Variants in NCMAP observed in about 807,000 individuals in gnomAD.
NCMAP encodes the protein noncompact myelin-associated protein.
In NCMAP, 8 loss-of-function variants were observed where a neutral mutation model predicts 7.8. The observed-to-expected ratio is 1.02, with a 90% CI of 0.60 to 1.84. The LOEUF is 1.84. Ranked by LOEUF, NCMAP falls within the 40% of genes most tolerant of loss-of-function variation. The pLI is 0.00. For missense variants in NCMAP, 112 were observed against 131.4 expected (o/e 0.85, Z 0.72); for synonymous variants, 41 against 52.9 (o/e 0.78, Z 0.98).
chr1:24,572,649 T>A (rs571307204), intron 1 of NCMAP, among the ~76,000 whole-genome samples: 15 of 149,492 alleles, frequency 1.0e-4, no homozygotes, highest in Admixed American at 8.6e-4. Flanking sequence ...CTCCTAGGAG[T>A]ACACAGGCCC....
At chr1:24,595,287 T>C (rs1249038359) in intron 1 of NCMAP, 137 bp from the exon 2 acceptor site, 1 of 599,008 alleles carries the variant, frequency 1.7e-6, no homozygotes, top group African/African-American at 1.8e-5. Context: ...TAATGGGTTT[T>C]GCATTTACTT....
In NCMAP at chr1:24,606,019, A is replaced by C; in HGVS notation, c.*272A>C. 2 of 414,514 alleles carry C rather than the reference A, an allele frequency of 4.8e-6. No homozygotes were observed. The highest frequency in any genetic ancestry group is 8.8e-6 in the Non-Finnish European group (2 of 228,170). 25.7% of individuals were successfully genotyped at this position (414,514 alleles called of 1,614,324 possible). On this transcript the variant is annotated 3_prime_UTR_variant, in exon 4 of 4. Transcript: ENST00000374392. ...GTAGAGCTATGTTGGGAATCCACCA[A>C]TGTGGGCTTGGCTTTCCCCCACACT... is the stretch of plus-strand genomic sequence containing the variant.
At chr1:24,567,289 C>T (rs1402037585) in intron 1 of NCMAP, among the ~76,000 whole-genome samples, 3 of 152,098 alleles carry the variant, frequency 2.0e-5, no homozygotes, top group East Asian at 3.9e-4. Flanking sequence ...GAAAGGAAGC[C>T]GGACCTCCCT....
At position 24,605,792 on chromosome 1, in the gene NCMAP, C is replaced by G. The variant is rs769141959; in HGVS notation, c.*45C>G. On this transcript the variant is annotated 3_prime_UTR_variant, in exon 4 of 4. Transcript: ENST00000374392. ...TCCACCACTGTCCAAAGAGCCTCTC[C>G]AGAGTCAAGACCCAGAGGCACACTC... The G allele has an allele frequency of 6.2e-7, 1 of 1,604,948 alleles. No homozygotes were observed. The highest frequency in any genetic ancestry group is 1.3e-5 in the African/African-American group (1 of 74,690).
Position 24,601,240 on chromosome 1 carries a change from G to A in NCMAP, c.167+216G>A, listed in dbSNP as rs56316061. ...CTTGGAGAAATATTTTTTAAACGTA[G>A]TAATGATAATGACAATGATAATGGT... On this transcript the variant is annotated intron_variant, in intron 3 of 3. Coordinates refer to ENST00000374392, the MANE Select transcript of NCMAP (RefSeq NM_001010980.5). Among the ~76,000 whole-genome samples the A allele has an allele frequency of 0.33, 49,610 of 151,812 alleles. 8,293 individuals carry two copies. The highest frequency in any genetic ancestry group is 0.45 in the Middle Eastern group (131 of 290).
At chr1:24,594,651 A>C (rs1652157836) in intron 1 of NCMAP, among the ~76,000 whole-genome samples, 1 of 152,136 alleles carries the variant, frequency 6.6e-6, no homozygotes, top group Non-Finnish European at 1.5e-5. Context: ...CCCATTTTTC[A>C]AGGCATATTC....
At chr1:24,577,834 A>G (rs1651629946) in intron 1 of NCMAP, among the ~76,000 whole-genome samples, 1 of 152,104 alleles carries the variant, frequency 6.6e-6, no homozygotes, top group South Asian at 2.1e-4. Flanking sequence ...GGAAAGCTTA[A>G]AGGAGAGATG....
At chr1:24,570,197 T>G (rs1183665048) in intron 1 of NCMAP, among the ~76,000 whole-genome samples, 1 of 150,248 alleles carries the variant, frequency 6.7e-6, no homozygotes, top group Non-Finnish European at 1.5e-5. Context: ...CTGCCCACCT[T>G]GGCCTCCCAA....
chr1:24,586,568 C>A (rs931401611), intron 1 of NCMAP, among the ~76,000 whole-genome samples: 8 of 152,178 alleles, frequency 5.3e-5, no homozygotes. Context: ...CAAGACCAGT[C>A]TGGCCAAGAT....
chr1:24,600,321 T>C (rs1652432956), intron 2 of NCMAP, among the ~76,000 whole-genome samples: 1 of 151,868 alleles, frequency 6.6e-6, no homozygotes, highest in East Asian at 1.9e-4. Context: ...TGGCTAATTT[T>C]TAATTTTTTA....
intron 1 of NCMAP, among the ~76,000 whole-genome samples, chr1:24,562,222 C>T (rs940741599): frequency 1.2e-4 from 19 of 152,192 alleles, no homozygotes; most frequent in Non-Finnish European, 1.8e-4. Context: ...CAGCGTCATT[C>T]GTCACAATAA....
chr1:24,564,172 C>A (rs1356132367), intron 1 of NCMAP, among the ~76,000 whole-genome samples: 4 of 151,906 alleles, frequency 2.6e-5, no homozygotes, highest in African/African-American at 9.7e-5. Context: ...AGAATTATCC[C>A]CAAAAGCAAC....
chr1:24,592,811 C>T (rs796964660), intron 1 of NCMAP, among the ~76,000 whole-genome samples: 1 of 152,148 alleles, frequency 6.6e-6, no homozygotes, highest in Admixed American at 6.6e-5. Flanking sequence ...CCCAGCTACT[C>T]GTGAGGCTGA....
intron 1 of NCMAP, chr1:24,564,115 G>C (rs1281087164): frequency 2.0e-5 from 3 of 152,152 alleles, no homozygotes; most frequent in African/African-American, 7.2e-5. Flanking sequence ...TGAATATCAG[G>C]ATGGATACAA....
intron 1 of NCMAP, among the ~76,000 whole-genome samples, chr1:24,591,245 C>CT (rs1392181838): frequency 1.3e-5 from 2 of 152,044 alleles, no homozygotes; most frequent in East Asian, 1.9e-4. Context: ...AGGAGTCTTC[C>CT]TTGGGGGGCG....
At chr1:24,599,280 C>CA (rs34709750) in intron 2 of NCMAP, among the ~76,000 whole-genome samples, 34,392 of 101,456 alleles carry the variant, frequency 0.34, 5,184 homozygotes, top group Middle Eastern at 0.52. Flanking sequence ...AACTCCCTCT[C>CA]AAAAAAAAAA....
chr1:24,573,805 C>T (rs1374588300), intron 1 of NCMAP, among the ~76,000 whole-genome samples: 2 of 149,532 alleles, frequency 1.3e-5, no homozygotes, highest in African/African-American at 5.1e-5. Context: ...GAAAAGAAAC[C>T]TAGAAACCTA....
At chr1:24,578,085 A>G (rs995001110) in intron 1 of NCMAP, among the ~76,000 whole-genome samples, 2 of 152,048 alleles carry the variant, frequency 1.3e-5, no homozygotes, top group Non-Finnish European at 2.9e-5. Context: ...CAACATAGTG[A>G]GACCCTGTTT....
chr1:24,566,154 G>T (rs1651222905), intron 1 of NCMAP, among the ~76,000 whole-genome samples: 1 of 152,174 alleles, frequency 6.6e-6, no homozygotes, highest in African/African-American at 2.4e-5. Flanking sequence ...GTCTTGGGCA[G>T]TTCTTTATAG....
Sources: gnomAD v4.1 joint callset for allele counts (sites outside exome capture counted in the v4.1 genomes callset) on GRCh38, gnomAD v4.1.1 for gene constraint, MANE v1.5 for transcripts, NCBI Gene and HGNC (gene_info 2026-07-23, HGNC 2026-07-21) for gene names.